HOXD11: variants seen among roughly 807,000 people sequenced by gnomAD.
The protein encoded by HOXD11 is homeobox protein Hox-D11.
In HOXD11, 16 loss-of-function variants were observed where a neutral mutation model predicts 23.1. The observed-to-expected ratio is 0.69, with a 90% CI of 0.47 to 1.05. The LOEUF (loss-of-function observed/expected upper bound fraction) is 1.05, where lower values mean the gene tolerates loss of function less well. Ranked by LOEUF, HOXD11 falls within the 50% of genes least tolerant of loss-of-function variation. The pLI, the probability that HOXD11 is intolerant of heterozygous loss-of-function variation, is 0.00. For missense variants in HOXD11, 564 were observed against 495.6 expected (o/e 1.14, Z -1.31); for synonymous variants, 262 against 224.4 (o/e 1.17, Z -1.50).
rs1689648296 is a variant in HOXD11 at position 176,109,695 on chromosome 2, C to T, written c.*553C>T. On this transcript the variant is annotated 3_prime_UTR_variant, in exon 2 of 2. Coordinates refer to ENST00000249504, the MANE Select transcript of HOXD11 (RefSeq NM_021192.3). ...TCTCCTCTTTGAGGTTTAGTGCCTC[C>T]TTAGGATATTTTAGTGGCCAGAACC... The T allele has an allele frequency of 5.2e-6, 1 of 193,962 alleles. No homozygotes were observed. Among genetic ancestry groups the T allele is most frequent in the Admixed American group, 6.1e-5 (1 of 16,412 alleles). 12.0% of individuals were successfully genotyped at this position (193,962 alleles called of 1,614,324 possible).
At chr2:176,114,004 G>T (rs1689713914), downstream of HOXD11, among the ~76,000 whole-genome samples, 1 of 152,194 alleles carries the variant, frequency 6.6e-6, no homozygotes, top group Admixed American at 6.5e-5. Context: ...GATTATGAAA[G>T]GGCATTTGAT....
Position 176,107,803 on chromosome 2 carries a change from G to A in HOXD11, c.448G>A (p.Ala150Thr). The A allele has an allele frequency of 7.2e-7, 1 of 1,392,342 alleles. No individual in the cohort carries two copies. Among genetic ancestry groups the A allele is most frequent in the Non-Finnish European group, 9.3e-7 (1 of 1,072,932 alleles). The allele number at this position is 1,392,342 out of a possible 1,614,324, so 86.2% of individuals were successfully genotyped here. The change falls in exon 1 of 2, where the codon GCG becomes ACG. Residue 150 changes from alanine (A) to threonine (T), a missense_variant. Coordinates refer to ENST00000249504, the MANE Select transcript of HOXD11 (RefSeq NM_021192.3). ...CAAGGCGCCTGAGCCGGTGTGCGCT[G>A]CGCCGGGGCCGCCGCACGGCCCCGC... ...LFKAPEPVCA[A>T]PGPPHGPAGA...
At chr2:176,111,836 A>AC (rs1689678199), downstream of HOXD11, among the ~76,000 whole-genome samples, 3 of 147,394 alleles carry the variant, frequency 2.0e-5, no homozygotes, top group Non-Finnish European at 3.0e-5. Context: ...CAAAAAAAAA[A>AC]AAAAAAAAAA....
rs1689633443 is a variant in HOXD11 at position 176,108,933 on chromosome 2, C to T, written c.808C>T (p.Arg270Cys). The T allele has an allele frequency of 1.2e-6, 2 of 1,613,992 alleles. No individual in the cohort carries two copies. Among genetic ancestry groups the T allele is most frequent in the South Asian group, 1.1e-5 (1 of 91,082 alleles). The stretch of plus-strand genomic sequence containing the variant: ...TGCCCCCCAGCGGTCCCGGAAAAAG[C>T]GCTGTCCCTATACCAAGTACCAGAT... ...AVAPQRSRKK[R>C]CPYTKYQIRE... The change falls in exon 2 of 2, where the codon CGC becomes TGC. Residue 270 changes from arginine to cysteine, a missense_variant. By Grantham distance (180) the Arg-to-Cys change is radical. Transcript: ENST00000249504.
intron 1 of HOXD11, 70 bp from the exon 2 acceptor site, chr2:176,108,837 C>T: frequency 1.9e-6 from 2 of 1,040,452 alleles, no homozygotes; most frequent in Non-Finnish European, 2.8e-6. Flanking sequence ...GCTCAGTGGC[C>T]CGGGCGGGCG....
rs1689599898 is a variant in HOXD11 at position 176,107,634 on chromosome 2, C to T, written c.279C>T (p.Pro93=). 2 of 976,860 alleles carry T rather than the reference C, an allele frequency of 2.0e-6. No individual in the cohort carries two copies. Among genetic ancestry groups the T allele is most frequent in the East Asian group, 1.2e-4 (1 of 8,652 alleles). The allele number at this position is 976,860 out of a possible 1,614,324, so 60.5% of individuals were successfully genotyped here. A position where few individuals can be genotyped will look rare whatever the true frequency, so the allele number is the denominator to read the frequency against. The part of the protein sequence containing the change: ...SAGGGSSGGG[P]GGGGGGAGGY... ...GGGGCGGCAGCAGCGGGGGCGGCCC[C>T]GGCGGGGGCGGCGGCGGCGCGGGGG... Residue 93 remains proline (P), a synonymous_variant, in exon 1 of 2, where the codon CCC becomes CCT. Transcript: ENST00000249504.
chr2:176,108,799 T>TC (rs2105388363), intron 1 of HOXD11, 108 bp from the exon 2 acceptor site: 3 of 651,346 alleles, frequency 4.6e-6, no homozygotes, highest in Non-Finnish European at 7.4e-6. Flanking sequence ...GCAGAGAACG[T>TC]CCCCAACGGG....
At chr2:176,114,659 A>T (rs1216912817), downstream of HOXD11, among the ~76,000 whole-genome samples, 2 of 152,044 alleles carry the variant, frequency 1.3e-5, no homozygotes, top group African/African-American at 4.8e-5. Flanking sequence ...TTTTGGGAAG[A>T]GGGACAAAGG....
In HOXD11 at chr2:176,107,870, G is replaced by A; in HGVS notation, c.515G>A (p.Gly172Asp). 6.9e-6 allele frequency: 10 copies of A among 1,452,894 alleles called. No individual in the cohort carries two copies. The highest frequency in any genetic ancestry group is 7.3e-6 in the Non-Finnish European group (8 of 1,100,368). 90.0% of individuals were successfully genotyped at this position (1,452,894 alleles called of 1,614,324 possible). Residue 172 changes from glycine to aspartate, a missense_variant, in exon 1 of 2, where the codon GGC becomes GAC. By Grantham distance (94) the Gly-to-Asp change is moderately conservative. Transcript: ENST00000249504. ...SNFYSAVGRN[G>D]ILPQGFDQFY... is the part of the protein sequence containing the mutation. ...TTCTACAGCGCGGTGGGCCGCAATG[G>A]CATCTTGCCACAGGGCTTCGACCAG... is the stretch of plus-strand genomic sequence containing the variant.
intron 1 of HOXD11, 150 bp from the exon 2 acceptor site, chr2:176,108,757 C>A: frequency 1.6e-6 from 1 of 609,060 alleles, no homozygotes; most frequent in Non-Finnish European, 2.9e-6. Context: ...ATATATCATC[C>A]CCCACGACGC....
Position 176,108,886 on chromosome 2 carries a change from C to G in HOXD11, c.782-21C>G, listed in dbSNP as rs761116629. ...TGTCAGGCAGCGGCCTCTCTCACCC[C>G]CTGGTCTCTTTGCCTTGCAGTTGCC... On this transcript the variant is annotated intron_variant, in intron 1 of 1. Coordinates refer to ENST00000249504, the MANE Select transcript of HOXD11 (RefSeq NM_021192.3). 5 of 1,575,986 alleles carry G rather than the reference C, an allele frequency of 3.2e-6. No individual in the cohort carries two copies. The South Asian group carries it at 5.5e-5, about 17-fold the overall frequency.
the HOXD11 span, among the ~76,000 whole-genome samples, chr2:176,115,045 C>T: frequency 2.0e-5 from 3 of 152,382 alleles, no homozygotes; most frequent in South Asian, 6.2e-4. Context: ...CCCCGAGGCC[C>T]GGGCTTCCGC....
At chr2:176,113,150 C>T (rs980026243), downstream of HOXD11, among the ~76,000 whole-genome samples, 1 of 152,134 alleles carries the variant, frequency 6.6e-6, no homozygotes, top group African/African-American at 2.4e-5. Context: ...CACAGTGCAA[C>T]CCGGAGGAGC....
Position 176,109,003 on chromosome 2 carries a change from A to G in HOXD11, c.878A>G (p.Lys293Arg), listed in dbSNP as rs1574949944. The change falls in exon 2 of 2, where the codon AAA (lysine) becomes AGA (arginine). Residue 293 changes from lysine to arginine, a missense_variant. Lys to Arg is a conservative substitution (Grantham distance 26). Coordinates refer to ENST00000249504, the MANE Select transcript of HOXD11 (RefSeq NM_021192.3). The part of the protein sequence containing the change: ...REFFFNVYIN[K>R]EKRLQLSRML... Reference sequence around the variant, plus strand: ...TTTTTCTTTAACGTGTACATAAACAAAGAGAAAAGACTTCAACTCTCTCGG... The same window carrying G: ...TTTTTCTTTAACGTGTACATAAACAGAGAGAAAAGACTTCAACTCTCTCGG... 1.2e-6 allele frequency: 2 copies of G among 1,613,964 alleles called. No homozygotes were observed. Among genetic ancestry groups the G allele is most frequent in the African/African-American group, 2.7e-5 (2 of 74,916 alleles).
Position 176,108,016 on chromosome 2 carries a change from G to C in HOXD11, c.661G>C (p.Gly221Arg). 1.3e-6 allele frequency: 2 copies of C among 1,484,944 alleles called. No individual in the cohort carries two copies. Among genetic ancestry groups the C allele is most frequent in the South Asian group, 1.3e-5 (1 of 78,374 alleles). The allele number at this position is 1,484,944 out of a possible 1,614,324, so 92.0% of individuals were successfully genotyped here. The change falls in exon 1 of 2, where the codon GGG becomes CGG. Residue 221 changes from glycine (G) to arginine (R), a missense_variant. Physicochemically the swap from Gly to Arg is moderately radical, Grantham distance 125 (BLOSUM62 -2). Coordinates refer to ENST00000249504, the MANE Select transcript of HOXD11 (RefSeq NM_021192.3). ...CCCCAGGACCGGGGCTGGTGGCGGC[G>C]GGGGCAGTCCCTGCACCAAGGCGAC... ...GDPRTGAGGG[G>R]GSPCTKATPG... is the part of the protein sequence containing the mutation.
At chr2:176,108,192 G>T (rs1420968582) in intron 1 of HOXD11, 56 bp downstream of exon 1, 9 of 683,980 alleles carry the variant, frequency 1.3e-5, no homozygotes, top group African/African-American at 2.0e-5. Flanking sequence ...GGAGGGGGGG[G>T]GGGCGGAGGC....
rs1216057240 is a variant in HOXD11, at chr2:176,107,477, G to A, written c.122G>A (p.Cys41Tyr). 1 of 1,613,862 alleles carries A rather than the reference G, an allele frequency of 6.2e-7. No individual in the cohort carries two copies. The highest frequency in any genetic ancestry group is 8.5e-7 in the Non-Finnish European group (1 of 1,179,938). The change falls in exon 1 of 2, where the codon TGC (cysteine) becomes TAC (tyrosine). Residue 41 changes from cysteine (C) to tyrosine (Y), a missense_variant. By Grantham distance (194) the Cys-to-Tyr change is radical. Transcript: ENST00000249504. ...KPSFLSQPSS[C>Y]QMTFPYSSNL... Reference sequence around the variant, plus strand: ...TCGTTCCTTTCCCAACCGTCGTCCTGCCAGATGACTTTCCCCTACTCTTCC... The same window carrying A: ...TCGTTCCTTTCCCAACCGTCGTCCTACCAGATGACTTTCCCCTACTCTTCC...
At chr2:176,111,101 A>C (rs751480670), downstream of HOXD11, among the ~76,000 whole-genome samples, 13 of 152,208 alleles carry the variant, frequency 8.5e-5, no homozygotes, top group Admixed American at 2.0e-4. Flanking sequence ...ATAAGGAACA[A>C]AAGGAAATAT....
chr2:176,113,662 T>C (rs562849269), downstream of HOXD11, among the ~76,000 whole-genome samples: 39 of 152,376 alleles, frequency 2.6e-4, no homozygotes, highest in African/African-American at 8.7e-4. Context: ...TCTATCTTGC[T>C]CAATTTTTTA....
Sources: gnomAD v4.1 joint callset for allele counts (sites outside exome capture counted in the v4.1 genomes callset) on GRCh38, gnomAD v4.1.1 for gene constraint, MANE v1.5 for transcripts, NCBI Gene and HGNC (gene_info 2026-07-23, HGNC 2026-07-21) for gene names.